PCDHGA5: variants seen among roughly 807,000 people sequenced by gnomAD.
PCDHGA5 encodes the protein protocadherin gamma subfamily A, 5.
In PCDHGA5, 36 loss-of-function variants were observed where a neutral mutation model predicts 56.7. The observed-to-expected ratio is 0.64, with a 90% CI of 0.49 to 0.84. The LOEUF is 0.84. Among genes scored for constraint, PCDHGA5 ranks in the 40% least tolerant of loss-of-function variants. The pLI, the probability that PCDHGA5 is intolerant of heterozygous loss-of-function variation, is 0.00. For synonymous variants in PCDHGA5, 563 were observed against 520.2 expected (o/e 1.08, Z -1.12); for missense variants, 1,305 against 1,201.5 (o/e 1.09, Z -1.27).
At position 141,491,518 on chromosome 5, in the gene PCDHGA5, A is replaced by G. The variant is rs756813813; in HGVS notation, c.2422-3289A>G. 3 of 1,613,990 alleles carry G rather than the reference A, an allele frequency of 1.9e-6. No individual in the cohort carries two copies. The highest frequency in any genetic ancestry group is 3.3e-5 in the Admixed American group (2 of 60,028). ...GAGCTCGGACGGCACGCTCAAGTAC[A>G]TGGAGGTGACGCTGCGGCCCACAGA... On this transcript the variant is annotated intron_variant, in intron 1 of 3. Transcript: ENST00000518069. This position sits in a 1 kb window ranked among gnomAD's most constrained non-coding sequence, Gnocchi z 6.9.
chr5:141,366,320 G>A lies in PCDHGA5; in HGVS notation c.1990G>A (p.Val664Met). ...LSATFTVTVA[V>M]ADRIPDILAD... ...AGCCACCTTCACGGTCACCGTTGCC[G>A]TGGCCGACAGGATCCCTGACATCCT... Residue 664 changes from valine (V) to methionine (M), a missense_variant, in exon 1 of 4, where the codon GTG (valine) becomes ATG (methionine). Coordinates refer to ENST00000518069, the MANE Select transcript of PCDHGA5 (RefSeq NM_018918.3). 4.3e-6 allele frequency: 7 copies of A among 1,613,788 alleles called. No homozygotes were observed. The highest frequency in any genetic ancestry group is 2.2e-5 in the East Asian group (1 of 44,886).
At chr5:141,478,683 C>G (rs1355955377) in intron 1 of PCDHGA5, 14 of 1,551,164 alleles carry the variant, frequency 9.0e-6, no homozygotes, top group African/African-American at 1.4e-5. Flanking sequence ...CTGGCCCTTC[C>G]TAGATCAAAG....
chr5:141,448,795 A>T (rs577803435), intron 1 of PCDHGA5, among the ~76,000 whole-genome samples: 1 of 152,086 alleles, frequency 6.6e-6, no homozygotes, highest in African/African-American at 2.4e-5. Context: ...AAAAAAAAAA[A>T]TTAGCCAGGC....
In PCDHGA5 at chr5:141,487,086, TCCCACCACAGAAG is replaced by T. The variant is rs2099639456; in HGVS notation, c.2422-7719_2422-7707del. 6.2e-7 allele frequency: 1 copy of T among 1,613,822 alleles called. No homozygotes were observed. ...ACGGCTGTTCCTATCCCAGCTGACC[TCCCACCACAGAAG>T]CTGGTCATTGTGGTAAAGGATAGTG... On this transcript the variant is annotated intron_variant, in intron 1 of 3. Coordinates refer to ENST00000518069, the MANE Select transcript of PCDHGA5 (RefSeq NM_018918.3). The surrounding 1 kb of genome is among the most constrained non-coding windows in gnomAD (Gnocchi z 5.0).
chr5:141,393,708 G>A, intron 1 of PCDHGA5: 2 of 1,613,788 alleles, frequency 1.2e-6, no homozygotes, highest in South Asian at 1.1e-5. Context: ...TGAAAATACT[G>A]GGGAAATATC....
intron 1 of PCDHGA5, among the ~76,000 whole-genome samples, chr5:141,466,613 C>T (rs772278295): frequency 1.2e-4 from 19 of 152,144 alleles, no homozygotes; most frequent in Non-Finnish European, 2.4e-4. Context: ...TGTAAACTGC[C>T]GTTTTCTTTG....
At chr5:141,506,076 T>C (rs2154593839) in intron 3 of PCDHGA5, among the ~76,000 whole-genome samples, 1 of 152,244 alleles carries the variant, frequency 6.6e-6, no homozygotes, top group South Asian at 2.1e-4. Flanking sequence ...TCCTTTGTAA[T>C]AGAGATTCGG....
At chr5:141,398,727 A>G in intron 1 of PCDHGA5, 1 of 1,613,894 alleles carries the variant, frequency 6.2e-7, no homozygotes, top group Middle Eastern at 1.6e-4. Flanking sequence ...AGAAAACCTT[A>G]GACCGGGAAC....
chr5:141,499,104 C>A (rs2099789508), intron 2 of PCDHGA5, among the ~76,000 whole-genome samples: 1 of 152,120 alleles, frequency 6.6e-6, no homozygotes, highest in African/African-American at 2.4e-5. Flanking sequence ...CTTCTCCTCC[C>A]CACCACTATC....
intron 1 of PCDHGA5, chr5:141,422,091 G>C: frequency 6.2e-7 from 1 of 1,611,830 alleles, no homozygotes. Context: ...TGGAAAGCAA[G>C]GCTTCTGAAA....
At chr5:141,403,104 A>T in intron 1 of PCDHGA5, 1 of 1,614,038 alleles carries the variant, frequency 6.2e-7, no homozygotes. Flanking sequence ...ATCTCCAAGG[A>T]CCTGGCTCTG....
intron 1 of PCDHGA5, among the ~76,000 whole-genome samples, chr5:141,465,094 G>GTT (rs138941665): frequency 3.4e-5 from 5 of 148,194 alleles, no homozygotes; most frequent in Non-Finnish European, 6.0e-5. Flanking sequence ...TTTTCTAGTA[G>GTT]TTTTTTTTTT....
chr5:141,371,551 TA>T, intron 1 of PCDHGA5: 1 of 1,613,822 alleles, frequency 6.2e-7, no homozygotes, highest in Non-Finnish European at 8.5e-7. Flanking sequence ...CTATGCCAAC[TA>T]AAAGGAAACT....
In PCDHGA5 at chr5:141,366,268, C is replaced by T. The variant is rs1426955979; in HGVS notation, c.1938C>T (p.Val646=). 6.2e-7 allele frequency: 1 copy of T among 1,613,718 alleles called. No individual in the cohort carries two copies. Among genetic ancestry groups the T allele is most frequent in the Non-Finnish European group, 8.5e-7 (1 of 1,180,030 alleles). Residue 646 remains valine, a synonymous_variant, in exon 1 of 4, where the codon GTC becomes GTT. Coordinates refer to ENST00000518069, the MANE Select transcript of PCDHGA5 (RefSeq NM_018918.3). ...DALKQSLVVA[V]EDHGQPPLSA... is the part of the protein sequence containing the mutation. ...TCAAGCAGAGCCTCGTGGTGGCCGT[C>T]GAAGACCATGGCCAGCCCCCTCTGT...
intron 1 of PCDHGA5, among the ~76,000 whole-genome samples, chr5:141,380,346 GTTGT>G (rs1424822944): frequency 2.0e-5 from 3 of 152,066 alleles, no homozygotes; most frequent in Non-Finnish European, 2.9e-5. Context: ...GAACTGTTTT[GTTGT>G]TTGTTTTTTA....
intron 1 of PCDHGA5, chr5:141,415,752 T>C: frequency 7.3e-7 from 1 of 1,372,622 alleles, no homozygotes; most frequent in Non-Finnish European, 9.4e-7. Flanking sequence ...TTTTTTTTTT[T>C]TTTTTTTTTT....
chr5:141,416,011 GGTAA>G (rs1031382322), intron 1 of PCDHGA5: 25 of 239,912 alleles, frequency 1.0e-4, no homozygotes, highest in Non-Finnish European at 3.9e-5. Flanking sequence ...GGTAAGAATA[GGTAA>G]GTATCAGAAA....
At position 141,387,719 on chromosome 5, in the gene PCDHGA5, C is replaced by T. The variant is rs953272587; in HGVS notation, c.2421+20968C>T. The T allele has an allele frequency of 4.5e-6, 5 of 1,115,502 alleles. No homozygotes were observed. In the African/African-American group the frequency reaches 4.7e-5, roughly 11 times the overall value. 69.1% of individuals were successfully genotyped at this position (1,115,502 alleles called of 1,614,324 possible). On this transcript the variant is annotated intron_variant, in intron 1 of 3. Transcript: ENST00000518069. The stretch of plus-strand genomic sequence containing the variant: ...TTCCAGGGCAGCCCCAGCTCAGACT[C>T]CCCAGCGCCAGCCTTTACACCGCTT...
intron 1 of PCDHGA5, among the ~76,000 whole-genome samples, chr5:141,402,766 A>T (rs1321674206): frequency 6.6e-6 from 1 of 152,232 alleles, no homozygotes; most frequent in African/African-American, 2.4e-5. Context: ...TCAGGACTCC[A>T]TCCGGATTTC....
Sources: gnomAD v4.1 joint callset for allele counts (sites outside exome capture counted in the v4.1 genomes callset) on GRCh38, gnomAD v4.1.1 for gene constraint, Gnocchi (gnomAD v3.1) non-coding constraint, MANE v1.5 for transcripts, NCBI Gene and HGNC (gene_info 2026-07-23, HGNC 2026-07-21) for gene names.